BCAT1: variants seen among roughly 807,000 people sequenced by gnomAD.
BCAT1 encodes the protein branched chain amino acid transaminase 1.
Under a neutral mutation model 52.4 loss-of-function variants are expected in BCAT1, and 48 were observed. That is an observed-to-expected ratio of 0.92 (90% CI 0.73 to 1.16). The LOEUF (loss-of-function observed/expected upper bound fraction) is 1.16, where lower values mean the gene tolerates loss of function less well. BCAT1 is among the 50% of genes most tolerant of loss of function. BCAT1 has a pLI of 0.00. For synonymous variants in BCAT1, 167 were observed against 161.3 expected, an observed-to-expected ratio of 1.04 and a Z score of -0.27; for missense variants, 451 against 457.1, an observed-to-expected ratio of 0.99 and a Z score of 0.12.
rs1939768566 is a variant in BCAT1, at chr12:24,813,646, T to A, written c.*4362A>T. 6.6e-6 allele frequency: 1 copy of A among 152,012 alleles called. No individual in the cohort carries two copies. The highest frequency in any genetic ancestry group is 1.5e-5 in the Non-Finnish European group (1 of 67,934). The allele number at this position is 152,012 out of a possible 1,614,324, so 9.4% of individuals were successfully genotyped here. A position where few individuals can be genotyped will look rare whatever the true frequency, so the allele number is the denominator to read the frequency against. On this transcript the variant is annotated 3_prime_UTR_variant, in exon 11 of 11. Transcript: ENST00000261192. ...TAGTAAATAGTAAAGAAAGAGAAGG[T>A]AATTCACACCAGATGAGGAATGGTG...
intron 3 of BCAT1, among the ~76,000 whole-genome samples, chr12:24,889,875 T>C (rs2139636386): frequency 6.6e-6 from 1 of 152,294 alleles, no homozygotes; most frequent in East Asian, 1.9e-4. Flanking sequence ...GTGAAGGTCC[T>C]GCCTCATACC....
At chr12:24,919,229 C>T (rs1199168490) in intron 1 of BCAT1, among the ~76,000 whole-genome samples, 1 of 152,250 alleles carries the variant, frequency 6.6e-6, no homozygotes, top group African/African-American at 2.4e-5. Context: ...ATTCAGGCTA[C>T]TTACTGAACT....
intron 10 of BCAT1, among the ~76,000 whole-genome samples, chr12:24,827,621 G>A (rs540685788): frequency 6.6e-6 from 1 of 152,010 alleles, no homozygotes. Context: ...GCGAAACCTC[G>A]ACTCTACTAA....
intron 8 of BCAT1, among the ~76,000 whole-genome samples, chr12:24,833,350 C>A (rs903188405): frequency 2.0e-5 from 3 of 152,052 alleles, no homozygotes; most frequent in African/African-American, 7.2e-5. Flanking sequence ...AAAACCCTGT[C>A]TCTACTAAAA....
intron 1 of BCAT1, among the ~76,000 whole-genome samples, chr12:24,942,447 G>A (rs1308437702): frequency 6.6e-6 from 1 of 152,002 alleles, no homozygotes; most frequent in African/African-American, 2.4e-5. Context: ...AGGAGGCTGA[G>A]GCAGGAGAAT....
At chr12:24,844,894 C>CAAAA (rs11318750) in intron 6 of BCAT1, among the ~76,000 whole-genome samples, 4 of 35,994 alleles carry the variant, frequency 1.1e-4, no homozygotes, top group African/African-American at 1.0e-4. Context: ...GAGACTGTCT[C>CAAAA]AAAAAAAAAA....
At chr12:24,901,511 T>G (rs528906685) in intron 2 of BCAT1, among the ~76,000 whole-genome samples, 16 of 152,358 alleles carry the variant, frequency 1.1e-4, no homozygotes, top group Middle Eastern at 6.8e-3. Context: ...GACTGAAGGT[T>G]TGTACGTATT....
chr12:24,949,035 C>A lies in BCAT1; in HGVS notation c.-103G>T. 1 of 1,305,572 alleles carries A rather than the reference C, an allele frequency of 7.7e-7. No homozygotes were observed. The highest frequency in any genetic ancestry group is 1.1e-6 in the Non-Finnish European group (1 of 931,532). 80.9% of individuals were successfully genotyped at this position (1,305,572 alleles called of 1,614,324 possible). On this transcript the variant is annotated 5_prime_UTR_variant, in exon 1 of 11. Coordinates refer to ENST00000261192, the MANE Select transcript of BCAT1 (RefSeq NM_005504.7). The stretch of plus-strand genomic sequence containing the variant: ...CGGGTCTGCGGCTGCAGAGCGCGGT[C>A]CCGGCTGCAGCAAGACCTGGGGCAG...
At chr12:24,855,891 G>GT (rs1941664248) in intron 5 of BCAT1, among the ~76,000 whole-genome samples, 2 of 151,744 alleles carry the variant, frequency 1.3e-5, no homozygotes. Context: ...GCCTTTCAAA[G>GT]TGCTGAGGTT....
intron 7 of BCAT1, 90 bp downstream of exon 7, chr12:24,841,992 T>G: frequency 3.5e-6 from 5 of 1,441,500 alleles, no homozygotes; most frequent in Non-Finnish European, 4.8e-6. Context: ...CTGTGCTACT[T>G]ACTCCCTTGT....
At chr12:24,844,530 T>C (rs983762501) in intron 6 of BCAT1, among the ~76,000 whole-genome samples, 4 of 152,204 alleles carry the variant, frequency 2.6e-5, no homozygotes, top group Admixed American at 2.0e-4. Flanking sequence ...CAGTAAGCTG[T>C]GGAAAATAGA....
intron 7 of BCAT1, among the ~76,000 whole-genome samples, chr12:24,838,802 G>T (rs1941081914): frequency 6.6e-6 from 1 of 152,172 alleles, no homozygotes; most frequent in Non-Finnish European, 1.5e-5. Context: ...AATCACTCCA[G>T]ATTGCCCAAC....
At chr12:24,869,702 G>T (rs1310358314) in intron 5 of BCAT1, among the ~76,000 whole-genome samples, 1 of 152,156 alleles carries the variant, frequency 6.6e-6, no homozygotes, top group Admixed American at 6.5e-5. Context: ...GAGATGGGGG[G>T]ACATAAAGAA....
At chr12:24,872,549 T>A (rs952509684) in intron 5 of BCAT1, among the ~76,000 whole-genome samples, 4 of 152,358 alleles carry the variant, frequency 2.6e-5, no homozygotes, top group South Asian at 2.1e-4. Context: ...TCTTTCTAGT[T>A]GAGCTCAACT....
chr12:24,879,033 C>T (rs1942424544), intron 4 of BCAT1, among the ~76,000 whole-genome samples: 1 of 151,984 alleles, frequency 6.6e-6, no homozygotes, highest in Non-Finnish European at 1.5e-5. Context: ...CTTACCATAC[C>T]CCCCAATCAA....
intron 1 of BCAT1, among the ~76,000 whole-genome samples, chr12:24,914,999 C>A (rs1250074999): frequency 2.0e-5 from 3 of 152,174 alleles, no homozygotes; most frequent in Non-Finnish European, 2.9e-5. Context: ...CTACAGTCAT[C>A]CCAACTTTTA....
At chr12:24,932,303 C>T (rs1943686247) in intron 1 of BCAT1, among the ~76,000 whole-genome samples, 2 of 152,202 alleles carry the variant, frequency 1.3e-5, no homozygotes, top group Admixed American at 6.5e-5. Flanking sequence ...TGTGGCTCCA[C>T]TCCTGAAATC....
At chr12:24,901,747 T>G in intron 2 of BCAT1, 67 bp downstream of exon 2, 1 of 1,515,098 alleles carries the variant, frequency 6.6e-7, no homozygotes, top group Non-Finnish European at 9.1e-7. Context: ...TCCCCGAATC[T>G]CAACAAGAAA....
At chr12:24,902,357 C>T (rs1943131381) in intron 1 of BCAT1, 5 of 1,184,294 alleles carry the variant, frequency 4.2e-6, no homozygotes, top group African/African-American at 1.6e-5. Context: ...TTTCCTCCAC[C>T]AGCAGGGTCC....
Sources: gnomAD v4.1 joint callset for allele counts (sites outside exome capture counted in the v4.1 genomes callset) on GRCh38, gnomAD v4.1.1 for gene constraint, MANE v1.5 for transcripts, NCBI Gene and HGNC (gene_info 2026-07-23, HGNC 2026-07-21) for gene names.